MAST4: variants seen among roughly 807,000 people sequenced by gnomAD.
MAST4 encodes microtubule associated serine/threonine kinase family member 4.
MAST4 carries 89 observed loss-of-function variants against 162.7 expected under a neutral mutation model. That is an observed-to-expected ratio of 0.55 (90% CI 0.46 to 0.65). The LOEUF (loss-of-function observed/expected upper bound fraction) is 0.65, where lower values mean the gene tolerates loss of function less well. Ranked by LOEUF, MAST4 falls within the 30% of genes least tolerant of loss-of-function variation. The probability of loss-of-function intolerance (pLI) is 0.00; values close to 1 mark genes in which losing one functional copy is unlikely to be tolerated. For synonymous variants in MAST4, 1,479 were observed against 1,361.1 expected (o/e 1.09, Z -1.91); for missense variants, 3,153 against 3,374.0 (o/e 0.93, Z 1.62).
chr5:67,140,640 C>T (rs1340395402), intron 19 of MAST4, among the ~76,000 whole-genome samples: 1 of 152,226 alleles, frequency 6.6e-6, no homozygotes, highest in Non-Finnish European at 1.5e-5. Flanking sequence ...TCTGGGGGAT[C>T]GTGGTCCACG....
At chr5:66,780,511 C>G (rs894980149) in intron 2 of MAST4, among the ~76,000 whole-genome samples, 3 of 152,126 alleles carry the variant, frequency 2.0e-5, no homozygotes, top group African/African-American at 7.2e-5. Flanking sequence ...TGCGGACCTT[C>G]GTGGCGAGTG....
At chr5:66,907,449 A>G (rs972565055) in intron 4 of MAST4, among the ~76,000 whole-genome samples, 9 of 152,326 alleles carry the variant, frequency 5.9e-5, no homozygotes, top group Non-Finnish European at 1.0e-4. Context: ...GGATTTCGCC[A>G]GGGACCCTTG....
Position 67,158,453 on chromosome 5 carries a change from TC to T in MAST4, c.3649-2000del, listed in dbSNP as rs540919025. The stretch of plus-strand genomic sequence containing the variant: ...CAGCCGTGGTTGTGTGCTCCCGTAA[TC>T]CCAGCTACTCAGAGGGTGAGGCAGG... On this transcript the variant is annotated intron_variant, in intron 26 of 28. Coordinates refer to ENST00000403625, the MANE Select transcript of MAST4 (RefSeq NM_001164664.2). Among the ~76,000 whole-genome samples the T allele has an allele frequency of 6.6e-5, 10 of 152,172 alleles. No individual in the cohort carries two copies. In the South Asian group the frequency reaches 2.1e-3, roughly 32 times the overall value.
intron 1 of MAST4, among the ~76,000 whole-genome samples, chr5:66,637,733 T>C (rs1177901207): frequency 6.6e-6 from 1 of 152,100 alleles, no homozygotes; most frequent in African/African-American, 2.4e-5. Context: ...TGAGACAGGG[T>C]CTTACTCTGC....
chr5:67,165,433 C>T lies in MAST4; in HGVS notation c.6254C>T (p.Ala2085Val), dbSNP rs370706447. The T allele has an allele frequency of 2.3e-5, 37 of 1,613,768 alleles. No individual in the cohort carries two copies. In the Admixed American group the frequency reaches 3.2e-4, roughly 14 times the overall value. ...VRRGVEPKPE[A>V]LLARRSLQPP... ...CGTGGCGTGGAACCCAAGCCCGAAG[C>T]GCTTCTTGCCAGGCGGTCTCTGCAG... is the stretch of plus-strand genomic sequence containing the variant. Residue 2085 changes from alanine (A) to valine (V), a missense_variant, in exon 29 of 29, where the codon GCG (alanine) becomes GTG (valine). Coordinates refer to ENST00000403625, the MANE Select transcript of MAST4 (RefSeq NM_001164664.2).
intron 4 of MAST4, among the ~76,000 whole-genome samples, chr5:66,969,747 A>T (rs1198259270): frequency 6.6e-6 from 1 of 152,212 alleles, no homozygotes; most frequent in Non-Finnish European, 1.5e-5. Flanking sequence ...TCTCCTTTTC[A>T]CAGGGAACCT....
intron 5 of MAST4, among the ~76,000 whole-genome samples, chr5:67,069,857 G>A (rs1376874414): frequency 2.7e-5 from 4 of 149,766 alleles, no homozygotes; most frequent in African/African-American, 7.4e-5. Flanking sequence ...AGGAATGAAC[G>A]TAGTTTCGAA....
chr5:66,847,940 G>A (rs971891369), intron 3 of MAST4, among the ~76,000 whole-genome samples: 3 of 151,924 alleles, frequency 2.0e-5, no homozygotes. Flanking sequence ...CCAAGACTTG[G>A]AAAGAAATCA....
intron 4 of MAST4, among the ~76,000 whole-genome samples, chr5:66,912,634 A>T (rs1043970224): frequency 6.6e-6 from 1 of 152,202 alleles, no homozygotes; most frequent in Non-Finnish European, 1.5e-5. Flanking sequence ...GTTGAATTTG[A>T]TAGAATCATG....
rs746669585 is a variant in MAST4 at position 67,166,350 on chromosome 5, C to G, written c.7171C>G (p.Leu2391Val). ...PAEGDKLEAG[L>V]SFVHSENRLK... The stretch of plus-strand genomic sequence containing the variant: ...AGAGGGCGACAAGCTCGAGGCCGGC[C>G]TTTCCTTTGTGCATAGCGAGAACCG... Residue 2391 changes from leucine to valine, a missense_variant, in exon 29 of 29, where the codon CTT (leucine) becomes GTT (valine). This residue lies in a region of MAST4 where 1,644 missense variants were observed against 1,495.0 expected (regional missense o/e 1.10). Transcript: ENST00000403625. 1.1e-5 allele frequency: 18 copies of G among 1,609,088 alleles called. No individual in the cohort carries two copies. In the East Asian group the frequency reaches 2.0e-4, roughly 18 times the overall value.
At chr5:66,783,890 GT>G (rs1394804387) in intron 2 of MAST4, among the ~76,000 whole-genome samples, 2 of 152,108 alleles carry the variant, frequency 1.3e-5, no homozygotes, top group African/African-American at 4.8e-5. Context: ...ATGGGTGCTG[GT>G]TCTGGATTCT....
intron 1 of MAST4, among the ~76,000 whole-genome samples, chr5:66,664,424 A>C (rs1747110400): frequency 7.9e-6 from 1 of 126,688 alleles, no homozygotes; most frequent in African/African-American, 3.2e-5. Context: ...AACAACAGTG[A>C]AACTCCATTT....
At chr5:66,986,422 CT>C in intron 4 of MAST4, 1 of 1,512,104 alleles carries the variant, frequency 6.6e-7, no homozygotes, top group Non-Finnish European at 9.0e-7. Flanking sequence ...ATCACTCTGT[CT>C]TTTTCTCTGT....
chr5:67,006,518 G>C (rs1752055817), intron 4 of MAST4, among the ~76,000 whole-genome samples: 1 of 152,200 alleles, frequency 6.6e-6, no homozygotes, highest in Non-Finnish European at 1.5e-5. Context: ...TACCATTTCA[G>C]CTGGACAGAA....
chr5:67,109,184 G>T (rs1413149963), intron 10 of MAST4, among the ~76,000 whole-genome samples: 1 of 151,966 alleles, frequency 6.6e-6, no homozygotes, highest in Non-Finnish European at 1.5e-5. Flanking sequence ...ACTAAGTTAG[G>T]TGCCTAGGTA....
chr5:66,615,254 C>A (rs1048175829), intron 1 of MAST4, among the ~76,000 whole-genome samples: 12 of 152,064 alleles, frequency 7.9e-5, no homozygotes, highest in Admixed American at 1.3e-4. Context: ...CCCAGTAAAC[C>A]TTTTGGTGGC....
chr5:67,142,095 C>G lies in MAST4; in HGVS notation c.2495-20C>G. 2 of 1,611,440 alleles carry G rather than the reference C, an allele frequency of 1.2e-6. No individual in the cohort carries two copies. The highest frequency in any genetic ancestry group is 1.7e-6 in the Non-Finnish European group (2 of 1,178,044). On this transcript the variant is annotated intron_variant, in intron 19 of 28. Transcript: ENST00000403625. Reference sequence around the variant, plus strand: ...GATAGTTTAACACTTTCCTCTCTGTCTCTACCTGCCCCCTTCCAGGTGGTG... The same window carrying G: ...GATAGTTTAACACTTTCCTCTCTGTGTCTACCTGCCCCCTTCCAGGTGGTG...
chr5:67,152,745 C>T lies in MAST4; in HGVS notation c.3404C>T (p.Ser1135Phe), dbSNP rs753351894. ...SSPSRDSSAA[S>F]ASPHQPIVIH... ...CCCAGCCGAGATTCCTCAGCAGCTT[C>T]TGCCAGTCCACATCAGCCGATTGTG... The change falls in exon 25 of 29, where the codon TCT becomes TTT. Residue 1135 changes from serine (S) to phenylalanine (F), a missense_variant. By Grantham distance (155) the Ser-to-Phe change is radical (BLOSUM62 -2). Coordinates refer to ENST00000403625, the MANE Select transcript of MAST4 (RefSeq NM_001164664.2). 1 of 1,614,054 alleles carries T rather than the reference C, an allele frequency of 6.2e-7. No homozygotes were observed.
At chr5:66,651,579 G>A (rs114451463) in intron 1 of MAST4, among the ~76,000 whole-genome samples, 40 of 152,126 alleles carry the variant, frequency 2.6e-4, no homozygotes, top group African/African-American at 9.2e-4. Context: ...AGATGACAAT[G>A]GATAAAAGAT....
Sources: allele counts gnomAD v4.1 joint callset (sites outside exome capture counted in the v4.1 genomes callset), GRCh38; gene constraint gnomAD v4.1.1; regional missense constraint gnomAD v4.1.1; transcripts MANE v1.5; gene names NCBI Gene and HGNC (gene_info 2026-07-23, HGNC 2026-07-21).